CDH13: variants seen among roughly 807,000 people sequenced by gnomAD.
CDH13 encodes cadherin-13.
CDH13 carries 24 observed loss-of-function variants against 63.8 expected under a neutral mutation model. The observed-to-expected ratio is 0.38, with a 90% CI of 0.27 to 0.53. The LOEUF (loss-of-function observed/expected upper bound fraction) is 0.53. Ranked by LOEUF, CDH13 falls within the 20% of genes least tolerant of loss-of-function variation. CDH13 has a pLI of 0.85. For synonymous variants in CDH13, 503 were observed against 355.3 expected (o/e 1.42, Z -4.67); for missense variants, 1,049 against 903.1 (o/e 1.16, Z -2.07).
At chr16:83,786,312 A>C (rs72802888) in intron 13 of CDH13, among the ~76,000 whole-genome samples, 4,122 of 152,226 alleles carry the variant, frequency 0.027, 95 homozygotes, top group Non-Finnish European at 0.038. Flanking sequence ...GCAACGTGTT[A>C]ATTGCAGTGG....
intron 3 of CDH13, among the ~76,000 whole-genome samples, chr16:83,083,699 G>A (rs1195741737): frequency 6.6e-6 from 1 of 152,200 alleles, no homozygotes; most frequent in Non-Finnish European, 1.5e-5. Context: ...TTTTCAATAT[G>A]AGCCTCTAGC....
intron 2 of CDH13, among the ~76,000 whole-genome samples, chr16:82,908,668 C>G (rs552129667): frequency 6.6e-6 from 1 of 152,320 alleles, no homozygotes; most frequent in South Asian, 2.1e-4. Flanking sequence ...CCAGACCTTT[C>G]TCTCACATTT....
chr16:82,906,821 C>T (rs1314356526), intron 2 of CDH13, among the ~76,000 whole-genome samples: 1 of 152,180 alleles, frequency 6.6e-6, no homozygotes, highest in African/African-American at 2.4e-5. Flanking sequence ...GCAGGTGCAT[C>T]TTGCCAACCT....
chr16:83,180,719 C>T (rs779221103), intron 4 of CDH13: 2 of 616,900 alleles, frequency 3.2e-6, no homozygotes, highest in East Asian at 2.8e-5. Flanking sequence ...ACTATGCATG[C>T]CAATTTTAAT....
At chr16:82,674,615 TG>T (rs1281349631) in intron 1 of CDH13, among the ~76,000 whole-genome samples, 1 of 152,190 alleles carries the variant, frequency 6.6e-6, no homozygotes, top group African/African-American at 2.4e-5. Flanking sequence ...GAGATCTCCC[TG>T]GGGATTTCAT....
chr16:82,697,423 C>CTTTT (rs34376129), intron 1 of CDH13, among the ~76,000 whole-genome samples: 9 of 54,894 alleles, frequency 1.6e-4, no homozygotes, highest in African/African-American at 1.6e-4. Context: ...TTTCTTTTTT[C>CTTTT]TTTTTTTTTT....
intron 4 of CDH13, among the ~76,000 whole-genome samples, chr16:83,178,475 G>C (rs1405330026): frequency 6.6e-6 from 1 of 152,078 alleles, no homozygotes; most frequent in African/African-American, 2.4e-5. Context: ...TTTCATAGAT[G>C]GTTATAGAAT....
At chr16:82,695,760 G>A (rs1182979414) in intron 1 of CDH13, among the ~76,000 whole-genome samples, 1 of 152,144 alleles carries the variant, frequency 6.6e-6, no homozygotes, top group Non-Finnish European at 1.5e-5. Flanking sequence ...GAACACAAGG[G>A]CATGGTGCTA....
chr16:82,723,333 A>G (rs1160407747), intron 1 of CDH13, among the ~76,000 whole-genome samples: 1 of 152,052 alleles, frequency 6.6e-6, no homozygotes, highest in East Asian at 1.9e-4. Flanking sequence ...TTCAGCACAT[A>G]TTTATTGAAC....
intron 5 of CDH13, among the ~76,000 whole-genome samples, chr16:83,314,982 C>A (rs145671491): frequency 6.6e-6 from 1 of 152,238 alleles, no homozygotes; most frequent in Non-Finnish European, 1.5e-5. Flanking sequence ...GTGGGCAGAA[C>A]GGAGTTTGAA....
chr16:82,839,284 C>T (rs2113138), intron 1 of CDH13, among the ~76,000 whole-genome samples: 1 of 152,024 alleles, frequency 6.6e-6, no homozygotes, highest in Non-Finnish European at 1.5e-5. Context: ...GCCCTCTAGG[C>T]TTAGATGTGG....
At chr16:83,214,149 G>A (rs2039423917) in intron 4 of CDH13, among the ~76,000 whole-genome samples, 1 of 152,108 alleles carries the variant, frequency 6.6e-6, no homozygotes, top group African/African-American at 2.4e-5. Context: ...AGTAAATACT[G>A]CTGCTGGCAG....
At chr16:83,738,562 T>C (rs549014497) in intron 10 of CDH13, among the ~76,000 whole-genome samples, 36 of 152,302 alleles carry the variant, frequency 2.4e-4, no homozygotes, top group Admixed American at 7.8e-4. Context: ...AAGAGCATGT[T>C]TTCTTGTGAT....
chr16:83,418,557 A>C (rs560701049), intron 6 of CDH13, among the ~76,000 whole-genome samples: 1 of 152,192 alleles, frequency 6.6e-6, no homozygotes, highest in South Asian at 2.1e-4. Context: ...GTTACAAGTT[A>C]GGGTTTGATC....
chr16:83,236,483 A>G (rs1040307399), intron 5 of CDH13, among the ~76,000 whole-genome samples: 1 of 152,208 alleles, frequency 6.6e-6, no homozygotes, highest in African/African-American at 2.4e-5. Flanking sequence ...TTTGAATAAT[A>G]TTGTGAGAAA....
chr16:83,377,097 T>A (rs1053437248), intron 6 of CDH13, among the ~76,000 whole-genome samples: 6 of 152,162 alleles, frequency 3.9e-5, no homozygotes, highest in African/African-American at 1.4e-4. Context: ...CTCATGAGAA[T>A]CTGAGATGTA....
At chr16:83,526,008 G>C (rs909656561) in intron 7 of CDH13, among the ~76,000 whole-genome samples, 10 of 152,154 alleles carry the variant, frequency 6.6e-5, no homozygotes, top group African/African-American at 2.4e-4. Flanking sequence ...TGTTAGCCCA[G>C]CATCCTGTGT....
intron 6 of CDH13, among the ~76,000 whole-genome samples, chr16:83,433,855 AT>A (rs919508448): frequency 1.7e-4 from 26 of 151,564 alleles, no homozygotes; most frequent in African/African-American, 5.6e-4. Context: ...GTTGGTAATG[AT>A]TTTTTTTTCC....
intron 3 of CDH13, among the ~76,000 whole-genome samples, chr16:83,067,647 G>T (rs2032119459): frequency 6.6e-6 from 1 of 152,274 alleles, no homozygotes; most frequent in Non-Finnish European, 1.5e-5. Flanking sequence ...TAATTTTAGT[G>T]CAATTGATTT....
Sources: allele counts gnomAD v4.1 joint callset (sites outside exome capture counted in the v4.1 genomes callset), GRCh38; gene constraint gnomAD v4.1.1; transcripts MANE v1.5; gene names NCBI Gene and HGNC (gene_info 2026-07-23, HGNC 2026-07-21).